ACSM1: variants seen among roughly 807,000 people sequenced by gnomAD.
ACSM1 encodes acyl-CoA synthetase medium chain family member 1, also known as acyl-coenzyme A synthetase ACSM1, mitochondrial.
In ACSM1, 79 loss-of-function variants were observed where a neutral mutation model predicts 75.8. The observed-to-expected ratio is 1.04, with a 90% CI of 0.87 to 1.26. The LOEUF is 1.26. Ranked by LOEUF, ACSM1 falls within the 50% of genes most tolerant of loss-of-function variation. The pLI, the probability that ACSM1 is intolerant of heterozygous loss-of-function variation, is 0.00. For synonymous variants in ACSM1, 279 were observed against 265.8 expected (o/e 1.05, Z -0.48); for missense variants, 676 against 720.1 (o/e 0.94, Z 0.70).
chr16:20,697,448 C>T (rs2079695600), intron 1 of ACSM1, among the ~76,000 whole-genome samples, 188 bp downstream of exon 1: 1 of 151,998 alleles, frequency 6.6e-6, no homozygotes, highest in Non-Finnish European at 1.5e-5. Context: ...TCCTCTCACC[C>T]AATATCACCA....
chr16:20,670,846 C>CT (rs1409511390), intron 5 of ACSM1, among the ~76,000 whole-genome samples: 2 of 152,204 alleles, frequency 1.3e-5, no homozygotes, highest in African/African-American at 4.8e-5. Context: ...CACTGCCCCT[C>CT]TTCGGGTTAA....
At chr16:20,646,433 C>T (rs566063390) in intron 7 of ACSM1, among the ~76,000 whole-genome samples, 41 of 152,298 alleles carry the variant, frequency 2.7e-4, no homozygotes, top group Non-Finnish European at 5.1e-4. Context: ...TGCCATCACC[C>T]TCCCTAGGTA....
intron 10 of ACSM1, among the ~76,000 whole-genome samples, chr16:20,636,289 T>C (rs1462835738): frequency 6.6e-6 from 1 of 152,130 alleles, no homozygotes; most frequent in Non-Finnish European, 1.5e-5. Flanking sequence ...CTCTGGTTTT[T>C]ACTTTTTTTT....
intron 4 of ACSM1, among the ~76,000 whole-genome samples, chr16:20,673,829 T>C (rs1012059680): frequency 1.3e-5 from 2 of 152,216 alleles, no homozygotes; most frequent in African/African-American, 4.8e-5. Flanking sequence ...CTACAAGGAA[T>C]ATGTAACACA....
At chr16:20,631,942 T>C (rs927454549) in intron 10 of ACSM1, among the ~76,000 whole-genome samples, 1 of 152,154 alleles carries the variant, frequency 6.6e-6, no homozygotes, top group East Asian at 1.9e-4. Flanking sequence ...AAATCACCAC[T>C]AAAGAACTTA....
chr16:20,650,070 G>C (rs558662849), intron 7 of ACSM1, among the ~76,000 whole-genome samples: 244 of 152,206 alleles, frequency 1.6e-3, no homozygotes, highest in Non-Finnish European at 4.1e-4. Context: ...TTCTCCTCTG[G>C]TGGAACTGGT....
At chr16:20,654,622 T>C (rs1259316313) in intron 7 of ACSM1, among the ~76,000 whole-genome samples, 1 of 152,182 alleles carries the variant, frequency 6.6e-6, no homozygotes, top group Non-Finnish European at 1.5e-5. Context: ...AAAGAAGACA[T>C]TTATGCAGCC....
chr16:20,671,989 T>C (rs1014828413), intron 4 of ACSM1, among the ~76,000 whole-genome samples: 6 of 152,200 alleles, frequency 3.9e-5, no homozygotes, highest in Non-Finnish European at 8.8e-5. Flanking sequence ...GCACTTGCTA[T>C]GTTCCAGGCA....
At chr16:20,686,711 G>T (rs1434204251) in intron 2 of ACSM1, among the ~76,000 whole-genome samples, 2 of 152,122 alleles carry the variant, frequency 1.3e-5, no homozygotes, top group Non-Finnish European at 2.9e-5. Context: ...CTACTTGGGA[G>T]GCTGAGGCAG....
intron 7 of ACSM1, among the ~76,000 whole-genome samples, chr16:20,647,299 G>A (rs1172137862): frequency 1.3e-5 from 2 of 152,204 alleles, no homozygotes; most frequent in East Asian, 3.8e-4. Flanking sequence ...TATGAGCCAT[G>A]AGCCAGCTGA....
chr16:20,644,993 GA>G (rs1205333984), intron 7 of ACSM1, among the ~76,000 whole-genome samples: 1 of 152,162 alleles, frequency 6.6e-6, no homozygotes, highest in Non-Finnish European at 1.5e-5. Context: ...CATCCTCTCT[GA>G]AATGAATTTG....
At chr16:20,624,003 T>C in intron 13 of ACSM1, 93 bp downstream of exon 13, 1 of 1,549,118 alleles carries the variant, frequency 6.5e-7, no homozygotes, top group Admixed American at 1.7e-5. Flanking sequence ...ACCTCCATTG[T>C]TTGGGGCTGT....
chr16:20,654,741 T>G (rs1215874118), intron 7 of ACSM1, among the ~76,000 whole-genome samples: 1 of 152,060 alleles, frequency 6.6e-6, no homozygotes, highest in Non-Finnish European at 1.5e-5. Flanking sequence ...CATTAAAAAG[T>G]CAGGAAACAG....
intron 1 of ACSM1, 59 bp from the exon 2 acceptor site, chr16:20,691,298 G>T: frequency 2.1e-6 from 2 of 974,228 alleles, no homozygotes; most frequent in East Asian, 2.8e-5. Context: ...CCTAAATTGG[G>T]TGCATGTTTT....
chr16:20,653,377 C>T (rs1254544818), intron 7 of ACSM1, among the ~76,000 whole-genome samples: 1 of 152,132 alleles, frequency 6.6e-6, no homozygotes, highest in East Asian at 1.9e-4. Context: ...CACTCCTATT[C>T]AACATAGTGT....
intron 10 of ACSM1, among the ~76,000 whole-genome samples, chr16:20,633,494 G>A (rs1051458017): frequency 6.6e-6 from 1 of 152,140 alleles, no homozygotes; most frequent in Non-Finnish European, 1.5e-5. Flanking sequence ...CTTGTACACT[G>A]AAAACTACAA....
rs181438386 is a variant in ACSM1, at chr16:20,636,799, T to C, written c.1239A>G (p.Glu413=). The change falls in exon 10 of 14, where the codon GAA becomes GAG. Residue 413 remains glutamate (E), a synonymous_variant. Coordinates refer to ENST00000520010, the MANE Select transcript of ACSM1 (RefSeq NM_001318890.3). ...GTTTGATTCTGATGCCAATGTTTCC[T>C]TCTGTGTTAGGTGGCAGGATGCTGC... is the stretch of plus-strand genomic sequence containing the variant. The part of the protein sequence containing the change: ...DKGSILPPNT[E]GNIGIRIKPV... 6.2e-6 allele frequency: 10 copies of C among 1,614,056 alleles called. No individual in the cohort carries two copies. In the Admixed American group the frequency reaches 1.7e-4, roughly 27 times the overall value.
intron 7 of ACSM1, among the ~76,000 whole-genome samples, chr16:20,654,704 C>T (rs2018850238): frequency 6.6e-6 from 1 of 152,158 alleles, no homozygotes; most frequent in Admixed American, 6.5e-5. Flanking sequence ...CAATGAGATA[C>T]CATCTCACAC....
At chr16:20,645,735 T>C (rs149824789) in intron 7 of ACSM1, among the ~76,000 whole-genome samples, 6,671 of 152,168 alleles carry the variant, frequency 0.044, 241 homozygotes, top group Admixed American at 0.083. Context: ...TAGACCCTCA[T>C]TGGGACGCAG....
Sources: gnomAD v4.1 joint callset for allele counts (sites outside exome capture counted in the v4.1 genomes callset) on GRCh38, gnomAD v4.1.1 for gene constraint, MANE v1.5 for transcripts, NCBI Gene and HGNC (gene_info 2026-07-23, HGNC 2026-07-21) for gene names.